Variants in AGBL4 observed in about 807,000 individuals in gnomAD.
AGBL4 encodes the protein AGBL carboxypeptidase 4.
Under a neutral mutation model 66.4 loss-of-function variants are expected in AGBL4, and 58 were observed. That is an observed-to-expected ratio of 0.87 (90% CI 0.71 to 1.09). The LOEUF is 1.09. Among genes scored for constraint, AGBL4 ranks in the 50% least tolerant of loss-of-function variants. The pLI, the probability that AGBL4 is intolerant of heterozygous loss-of-function variation, is 0.00. For synonymous variants in AGBL4, 234 were observed against 222.9 expected (o/e 1.05, Z -0.44); for missense variants, 579 against 631.0 (o/e 0.92, Z 0.88).
chr1:49,878,630 T>C (rs1298896932), intron 1 of AGBL4, among the ~76,000 whole-genome samples: 2 of 152,074 alleles, frequency 1.3e-5, no homozygotes, highest in African/African-American at 4.8e-5. Flanking sequence ...AAAAAATGTA[T>C]ATTCTGTTGA....
chr1:49,416,661 G>A (rs887781083), intron 3 of AGBL4, among the ~76,000 whole-genome samples: 1 of 151,962 alleles, frequency 6.6e-6, no homozygotes, highest in African/African-American at 2.4e-5. Context: ...CTCTGAGCTC[G>A]AATTTCTTCA....
At chr1:49,247,600 T>C (rs942376679) in intron 3 of AGBL4, among the ~76,000 whole-genome samples, 6 of 152,076 alleles carry the variant, frequency 3.9e-5, no homozygotes, top group Non-Finnish European at 5.9e-5. Context: ...TTTTCTGAGA[T>C]TCCAGTTGTC....
At chr1:49,636,732 C>G (rs1645679760) in intron 3 of AGBL4, among the ~76,000 whole-genome samples, 1 of 152,154 alleles carries the variant, frequency 6.6e-6, no homozygotes, top group Admixed American at 6.5e-5. Flanking sequence ...TTGAAAGGCT[C>G]ACAAGAATGG....
intron 11 of AGBL4, among the ~76,000 whole-genome samples, chr1:48,578,844 C>T (rs1569863469): frequency 6.6e-6 from 1 of 152,086 alleles, no homozygotes; most frequent in African/African-American, 2.4e-5. Flanking sequence ...ACCAAGTCCA[C>T]ATAGCTTTAT....
chr1:49,433,753 T>G (rs1277665241), intron 3 of AGBL4, among the ~76,000 whole-genome samples: 1 of 152,156 alleles, frequency 6.6e-6, no homozygotes, highest in Admixed American at 6.5e-5. Flanking sequence ...TATTGAAGCC[T>G]AAGTTTACTT....
At chr1:48,629,222 T>C (rs1645554509) in intron 9 of AGBL4, among the ~76,000 whole-genome samples, 1 of 152,156 alleles carries the variant, frequency 6.6e-6, no homozygotes, top group Non-Finnish European at 1.5e-5. Flanking sequence ...TAACTGGATA[T>C]AGCTGTGAGA....
At chr1:49,389,342 A>G (rs1292253397) in intron 3 of AGBL4, among the ~76,000 whole-genome samples, 1 of 152,128 alleles carries the variant, frequency 6.6e-6, no homozygotes, top group East Asian at 1.9e-4. Context: ...TCCATCCTAC[A>G]TGTCTCCAAA....
At chr1:49,933,534 A>C (rs1371862005) in intron 1 of AGBL4, among the ~76,000 whole-genome samples, 1 of 152,184 alleles carries the variant, frequency 6.6e-6, no homozygotes, top group Non-Finnish European at 1.5e-5. Context: ...GAGTATAAAT[A>C]ACTTGTCATT....
intron 7 of AGBL4, among the ~76,000 whole-genome samples, chr1:48,656,350 C>T (rs1304075202): frequency 2.0e-5 from 3 of 152,274 alleles, no homozygotes; most frequent in East Asian, 1.9e-4. Context: ...ATGGATTGCT[C>T]CAGGAATTCA....
chr1:48,867,337 G>A, intron 5 of AGBL4, 107 bp from the exon 6 acceptor site: 1 of 1,108,962 alleles, frequency 9.0e-7, no homozygotes, highest in South Asian at 1.3e-5. Context: ...ATACTGCAGG[G>A]TAAATCATAC....
intron 1 of AGBL4, among the ~76,000 whole-genome samples, chr1:49,887,763 ATGACAGATATC>A (rs1648217889): frequency 6.6e-6 from 1 of 152,164 alleles, no homozygotes; most frequent in Non-Finnish European, 1.5e-5. Context: ...GGAGGTGAAA[ATGACAGATATC>A]TGCATGGCGT....
At chr1:49,935,031 A>G (rs1653801850) in intron 1 of AGBL4, among the ~76,000 whole-genome samples, 2 of 152,234 alleles carry the variant, frequency 1.3e-5, no homozygotes, top group Admixed American at 1.3e-4. Flanking sequence ...AGGGCAAGGC[A>G]TTGCCTCACT....
intron 3 of AGBL4, among the ~76,000 whole-genome samples, chr1:49,644,490 A>G (rs1645846244): frequency 6.6e-6 from 1 of 151,620 alleles, no homozygotes. Flanking sequence ...TACTAAAAGA[A>G]AGCAGGAATG....
At chr1:48,714,235 G>A (rs1207381789) in intron 6 of AGBL4, among the ~76,000 whole-genome samples, 10 of 152,106 alleles carry the variant, frequency 6.6e-5, no homozygotes, top group Admixed American at 6.5e-4. Flanking sequence ...ACATTTGGAT[G>A]TTGCTTTCAA....
chr1:49,682,894 T>C (rs1257457444), intron 3 of AGBL4, among the ~76,000 whole-genome samples: 2 of 152,220 alleles, frequency 1.3e-5, no homozygotes, highest in African/African-American at 4.8e-5. Context: ...CATCATGGTA[T>C]ATTAAGTGCT....
chr1:48,700,398 A>G (rs893829622), intron 6 of AGBL4, among the ~76,000 whole-genome samples: 2 of 152,252 alleles, frequency 1.3e-5, no homozygotes, highest in African/African-American at 4.8e-5. Flanking sequence ...CAGCATTTGC[A>G]TGGAGCATGG....
chr1:48,828,089 G>T (rs367886770), intron 6 of AGBL4, among the ~76,000 whole-genome samples: 4 of 151,110 alleles, frequency 2.6e-5, no homozygotes, highest in Non-Finnish European at 2.9e-5. Context: ...CCAGCTACTT[G>T]GGAGGCTGAG....
intron 1 of AGBL4, among the ~76,000 whole-genome samples, chr1:50,000,632 A>G (rs999773543): frequency 6.6e-6 from 1 of 152,198 alleles, no homozygotes; most frequent in African/African-American, 2.4e-5. Context: ...GCACGTTTAT[A>G]GCAACACAAT....
chr1:49,989,271 T>C (rs899918880), intron 1 of AGBL4, among the ~76,000 whole-genome samples: 1 of 152,156 alleles, frequency 6.6e-6, no homozygotes, highest in Non-Finnish European at 1.5e-5. Context: ...AAACAAGACA[T>C]GTGCATCTGA....
Sources: allele counts gnomAD v4.1 joint callset (sites outside exome capture counted in the v4.1 genomes callset), GRCh38; gene constraint gnomAD v4.1.1; transcripts MANE v1.5; gene names NCBI Gene and HGNC (gene_info 2026-07-23, HGNC 2026-07-21).